SPOCK3: variants seen among roughly 807,000 people sequenced by gnomAD.
SPOCK3 encodes testican-3.
Under a neutral mutation model 56.6 loss-of-function variants are expected in SPOCK3, and 30 were observed. The observed-to-expected ratio is 0.53, with a 90% confidence interval of 0.40 to 0.72. The LOEUF (loss-of-function observed/expected upper bound fraction) is 0.72. Ranked by LOEUF, SPOCK3 falls within the 30% of genes least tolerant of loss-of-function variation. SPOCK3 has a pLI of 0.00. For missense variants in SPOCK3, 527 were observed against 530.0 expected (o/e 0.99, Z 0.06); for synonymous variants, 196 against 183.3 (o/e 1.07, Z -0.56).
chr4:167,177,033 C>G (rs13109419), intron 2 of SPOCK3, among the ~76,000 whole-genome samples: 4,645 of 152,162 alleles, frequency 0.031, 112 homozygotes, highest in Middle Eastern at 0.075. Flanking sequence ...TTATCATTAA[C>G]AAGGCAGTAT....
At chr4:167,205,224 TTATATC>T (rs1244090776) in intron 2 of SPOCK3, among the ~76,000 whole-genome samples, 1 of 98,558 alleles carries the variant, frequency 1.0e-5, no homozygotes, top group Non-Finnish European at 1.9e-5. Flanking sequence ...ATTATATATT[TTATATC>T]TATAATACAT....
intron 7 of SPOCK3, among the ~76,000 whole-genome samples, chr4:166,781,628 T>G (rs2126617190): frequency 6.6e-6 from 1 of 152,204 alleles, no homozygotes. Flanking sequence ...TCTCCAAAAT[T>G]AATGAAAGAC....
chr4:167,232,085 T>C (rs1053097569), intron 2 of SPOCK3, among the ~76,000 whole-genome samples: 1 of 152,104 alleles, frequency 6.6e-6, no homozygotes, highest in Non-Finnish European at 1.5e-5. Context: ...TCCATCTCTA[T>C]AGAAATTGAC....
At chr4:166,819,495 A>C (rs1418640960) in intron 6 of SPOCK3, among the ~76,000 whole-genome samples, 1 of 152,096 alleles carries the variant, frequency 6.6e-6, no homozygotes, top group Non-Finnish European at 1.5e-5. Context: ...ATAAACATAC[A>C]TACAATTAAT....
At position 167,195,834 on chromosome 4, in the gene SPOCK3, G is replaced by A. The variant is rs370247735; in HGVS notation, c.189+38151C>T. Among the ~76,000 whole-genome samples, 363 of 152,246 alleles carry A rather than the reference G, an allele frequency of 2.4e-3. 3 individuals carry two copies. The highest frequency in any genetic ancestry group is 8.3e-3 in the African/African-American group (344 of 41,558). Reference sequence around the variant, plus strand: ...TTCTCAAAATGGCTCTCAGAGACACGCTGGGGTGTCACAACCGAATACCTG... The same window carrying A: ...TTCTCAAAATGGCTCTCAGAGACACACTGGGGTGTCACAACCGAATACCTG... On this transcript the variant is annotated intron_variant, in intron 2 of 10. Coordinates refer to ENST00000357545, the MANE Select transcript of SPOCK3 (RefSeq NM_001040159.2).
At chr4:166,749,736 G>T (rs966257402) in intron 8 of SPOCK3, among the ~76,000 whole-genome samples, 2 of 151,992 alleles carry the variant, frequency 1.3e-5, no homozygotes, top group South Asian at 2.1e-4. Flanking sequence ...TTTTGAAATT[G>T]ATCCAATTGA....
At position 167,001,172 on chromosome 4, in the gene SPOCK3, A is replaced by G. The variant is rs560787339; in HGVS notation, c.236-709T>C. On this transcript the variant is annotated intron_variant, in intron 3 of 10. Coordinates refer to ENST00000357545, the MANE Select transcript of SPOCK3 (RefSeq NM_001040159.2). ...ATTTGGGCAGTTAAGTTTACAACCA[A>G]TATTTTTCAGTATGTTTGCAATTAT... Among the ~76,000 whole-genome samples, 3 of 152,312 alleles carry G rather than the reference A, an allele frequency of 2.0e-5. No homozygotes were observed. The East Asian group carries it at 5.8e-4, about 29-fold the overall frequency.
At chr4:166,945,148 A>AAGAAG (rs1443033438) in intron 4 of SPOCK3, among the ~76,000 whole-genome samples, 1 of 152,104 alleles carries the variant, frequency 6.6e-6, no homozygotes, top group African/African-American at 2.4e-5. Flanking sequence ...CCATTACTGC[A>AAGAAG]AGAAGCCTTG....
intron 2 of SPOCK3, among the ~76,000 whole-genome samples, chr4:167,211,199 T>C (rs1049605613): frequency 6.6e-6 from 1 of 152,182 alleles, no homozygotes; most frequent in African/African-American, 2.4e-5. Context: ...CCCTTTGTTT[T>C]GGCCAATTTC....
intron 4 of SPOCK3, among the ~76,000 whole-genome samples, chr4:166,984,710 T>C (rs1746948908): frequency 6.6e-6 from 1 of 152,212 alleles, no homozygotes; most frequent in East Asian, 1.9e-4. Flanking sequence ...TAAAATAAAA[T>C]CCTCTCTTCT....
chr4:166,959,543 T>C (rs1579808112), intron 4 of SPOCK3, among the ~76,000 whole-genome samples: 1 of 150,298 alleles, frequency 6.7e-6, no homozygotes, highest in East Asian at 2.0e-4. Context: ...ACCCAGGAGG[T>C]GGAGGTTGCA....
chr4:167,233,646 T>C (rs1036278033), intron 2 of SPOCK3, among the ~76,000 whole-genome samples: 1 of 152,146 alleles, frequency 6.6e-6, no homozygotes, highest in Admixed American at 6.5e-5. Flanking sequence ...TCTGCTGTGT[T>C]TACCAGTGCC....
At chr4:166,784,840 C>A (rs1033840851) in intron 7 of SPOCK3, among the ~76,000 whole-genome samples, 16 of 152,044 alleles carry the variant, frequency 1.1e-4, no homozygotes, top group African/African-American at 3.9e-4. Context: ...AAGACATTAT[C>A]TTAATCTTAG....
At chr4:167,044,709 T>C (rs1214009861) in intron 3 of SPOCK3, among the ~76,000 whole-genome samples, 2 of 152,116 alleles carry the variant, frequency 1.3e-5, no homozygotes, top group Non-Finnish European at 2.9e-5. Flanking sequence ...AATCAACACA[T>C]ACTTTGGAAT....
At chr4:166,780,512 C>T (rs1209728149) in intron 7 of SPOCK3, among the ~76,000 whole-genome samples, 2 of 152,098 alleles carry the variant, frequency 1.3e-5, no homozygotes, top group Non-Finnish European at 2.9e-5. Context: ...ATCTTCCCTA[C>T]ATACCTTATG....
intron 2 of SPOCK3, among the ~76,000 whole-genome samples, chr4:167,073,319 A>T (rs921184895): frequency 6.6e-6 from 1 of 151,826 alleles, no homozygotes; most frequent in Non-Finnish European, 1.5e-5. Flanking sequence ...ATTTTCATAT[A>T]GAGTCAACAA....
intron 2 of SPOCK3, among the ~76,000 whole-genome samples, chr4:167,220,941 G>C (rs981316469): frequency 1.3e-5 from 2 of 152,118 alleles, no homozygotes; most frequent in Non-Finnish European, 2.9e-5. Flanking sequence ...CAAGATCATG[G>C]TGATTCTGTA....
intron 6 of SPOCK3, among the ~76,000 whole-genome samples, chr4:166,876,475 A>G (rs1352809564): frequency 2.0e-5 from 3 of 152,190 alleles, no homozygotes; most frequent in African/African-American, 7.2e-5. Flanking sequence ...AAATACACAT[A>G]AAAGTAAAAG....
At chr4:167,016,767 C>T (rs1340419357) in intron 3 of SPOCK3, among the ~76,000 whole-genome samples, 2 of 152,028 alleles carry the variant, frequency 1.3e-5, no homozygotes, top group South Asian at 4.1e-4. Flanking sequence ...GTATTGAACT[C>T]CTGACCTCAG....
Sources: allele counts gnomAD v4.1 joint callset (sites outside exome capture counted in the v4.1 genomes callset), GRCh38; gene constraint gnomAD v4.1.1; transcripts MANE v1.5; gene names NCBI Gene and HGNC (gene_info 2026-07-23, HGNC 2026-07-21).